The following CREB5 variants were observed in gnomAD, a reference collection of about 807,000 sequenced individuals.
The protein encoded by CREB5 is cyclic AMP-responsive element-binding protein 5.
Under a neutral mutation model 57.1 loss-of-function variants are expected in CREB5, and 19 were observed. The observed-to-expected ratio is 0.33, with a 90% confidence interval of 0.23 to 0.49. CREB5 has a LOEUF of 0.49. Among genes scored for constraint, CREB5 ranks in the 20% least tolerant of loss-of-function variants. CREB5 has a pLI of 0.99. For synonymous variants in CREB5, 238 were observed against 238.3 expected, an observed-to-expected ratio of 1.00 and a Z score of 0.01; for missense variants, 579 against 671.6, an observed-to-expected ratio of 0.86 and a Z score of 1.52.
rs1221986287 is a variant in CREB5, at chr7:28,821,107, T to G, written c.*1828T>G. On this transcript the variant is annotated 3_prime_UTR_variant, in exon 11 of 11. Coordinates refer to ENST00000357727, the MANE Select transcript of CREB5 (RefSeq NM_182898.4). Reference sequence around the variant, plus strand: ...GCAGGTGCTGGTGTTTCATCTCCATTTGAATGCTTGACCTCTTAATGTGTG... The same window carrying G: ...GCAGGTGCTGGTGTTTCATCTCCATGTGAATGCTTGACCTCTTAATGTGTG... The G allele has an allele frequency of 6.7e-6, 1 of 148,514 alleles. No homozygotes were observed. Among genetic ancestry groups the G allele is most frequent in the Non-Finnish European group, 1.5e-5 (1 of 67,410 alleles). The allele number at this position is 148,514 out of a possible 1,614,324, so 9.2% of individuals were successfully genotyped here.
At chr7:28,461,565 T>C (rs1167242355) in intron 1 of CREB5, among the ~76,000 whole-genome samples, 1 of 152,198 alleles carries the variant, frequency 6.6e-6, no homozygotes, top group Non-Finnish European at 1.5e-5. Flanking sequence ...GGTGTGTTTT[T>C]TGAGTAATGA....
intron 5 of CREB5, among the ~76,000 whole-genome samples, chr7:28,608,582 A>T (rs188938607): frequency 9.5e-4 from 144 of 152,090 alleles, no homozygotes; most frequent in Admixed American, 3.9e-3. Context: ...CCTCCTCCCA[A>T]TCTCCCTCCC....
At position 28,599,754 on chromosome 7, in the gene CREB5, G is replaced by GTTTTGTTTTGTTTTGT. The variant is rs3041154; in HGVS notation, c.464+29221_464+29222insGTTTTGTTTTGTTTTT. 4.2e-3 allele frequency among the ~76,000 whole-genome samples: 620 copies of GTTTTGTTTTGTTTTGT among 148,896 alleles called. 6 individuals are homozygous for GTTTTGTTTTGTTTTGT. The highest frequency in any genetic ancestry group is 0.014 in the African/African-American group (568 of 40,176). ...GTTTTGTTTTGTTTTGTTTTGTTTTGTTTTTTTATTGTATTAGTTAGAACC... is the reference window on the plus strand; with the variant it reads ...GTTTTGTTTTGTTTTGTTTTGTTTTGTTTTGTTTTGTTTTGTTTTTTTTATTGTATTAGTTAGAACC... On this transcript the variant is annotated intron_variant, in intron 5 of 10. Coordinates refer to ENST00000357727, the MANE Select transcript of CREB5 (RefSeq NM_182898.4).
chr7:28,376,824 C>T (rs1263547776), intron 1 of CREB5, among the ~76,000 whole-genome samples: 3 of 152,196 alleles, frequency 2.0e-5, no homozygotes, highest in Admixed American at 2.0e-4. Flanking sequence ...GAAGCTGGGG[C>T]AAATTGGCTC....
At chr7:28,547,313 C>G (rs2128631454) in intron 4 of CREB5, among the ~76,000 whole-genome samples, 1 of 152,268 alleles carries the variant, frequency 6.6e-6, no homozygotes, top group Non-Finnish European at 1.5e-5. Flanking sequence ...TAATTATTCA[C>G]CTTTCTATTT....
At chr7:28,350,570 A>T (rs967186669) in intron 1 of CREB5, among the ~76,000 whole-genome samples, 1 of 151,966 alleles carries the variant, frequency 6.6e-6, no homozygotes, top group South Asian at 2.1e-4. Flanking sequence ...GGAAAAAAAA[A>T]CAAGCAAACA....
intron 1 of CREB5, among the ~76,000 whole-genome samples, chr7:28,339,543 C>T (rs942363065): frequency 4.6e-5 from 7 of 152,132 alleles, no homozygotes; most frequent in Non-Finnish European, 1.0e-4. Context: ...GACATAAACA[C>T]CCCTGTGGCC....
intron 5 of CREB5, among the ~76,000 whole-genome samples, chr7:28,628,566 G>A (rs536371962): frequency 6.6e-6 from 1 of 152,152 alleles, no homozygotes; most frequent in Non-Finnish European, 1.5e-5. Context: ...GGTAGCCAGT[G>A]GCAGAAGAAA....
chr7:28,605,011 G>A (rs956452192), intron 5 of CREB5, among the ~76,000 whole-genome samples: 2 of 151,930 alleles, frequency 1.3e-5, no homozygotes, highest in Admixed American at 6.6e-5. Context: ...ATATAAGGGC[G>A]TAGGATACAG....
At chr7:28,723,832 G>A (rs1163938056) in intron 6 of CREB5, among the ~76,000 whole-genome samples, 1 of 152,084 alleles carries the variant, frequency 6.6e-6, no homozygotes, top group Non-Finnish European at 1.5e-5. Context: ...ATATTTAGTG[G>A]AGTTACTTGA....
intron 5 of CREB5, among the ~76,000 whole-genome samples, chr7:28,694,549 A>T (rs1801439759): frequency 6.6e-6 from 1 of 152,114 alleles, no homozygotes; most frequent in Non-Finnish European, 1.5e-5. Context: ...TCATCTTATA[A>T]TTCTTTTTTT....
intron 4 of CREB5, among the ~76,000 whole-genome samples, chr7:28,550,220 C>G (rs1794575183): frequency 6.6e-6 from 1 of 151,940 alleles, no homozygotes; most frequent in Non-Finnish European, 1.5e-5. Flanking sequence ...CCTCCTTCTC[C>G]TCCTTCTCTG....
rs949100454 is a variant in CREB5, at chr7:28,675,744, TC to T, written c.465-43007del. 3.2e-4 allele frequency among the ~76,000 whole-genome samples: 48 copies of T among 152,212 alleles called. 1 individual carries two copies. Among genetic ancestry groups the T allele is most frequent in the African/African-American group, 1.2e-3 (48 of 41,546 alleles). On this transcript the variant is annotated intron_variant, in intron 5 of 10. Transcript: ENST00000357727. Reference sequence around the variant, plus strand: ...CCCTTGCAAAGTGGTGCAGTGTGGATCCTGTTTCAGCTTGGGATAAGGTGCT... The same window carrying T: ...CCCTTGCAAAGTGGTGCAGTGTGGATCTGTTTCAGCTTGGGATAAGGTGCT...
At chr7:28,541,243 C>G (rs557929239) in intron 4 of CREB5, among the ~76,000 whole-genome samples, 52 of 152,300 alleles carry the variant, frequency 3.4e-4, no homozygotes, top group Admixed American at 1.2e-3. Context: ...GTTCTGCACT[C>G]TCACTGGTCT....
intron 5 of CREB5, among the ~76,000 whole-genome samples, chr7:28,654,796 C>A (rs896624498): frequency 6.6e-6 from 1 of 152,112 alleles, no homozygotes; most frequent in African/African-American, 2.4e-5. Context: ...TACACACACG[C>A]AGTAAAAGTC....
intron 4 of CREB5, among the ~76,000 whole-genome samples, chr7:28,547,961 G>A (rs747725384): frequency 3.9e-5 from 6 of 152,110 alleles, no homozygotes; most frequent in East Asian, 1.9e-4. Flanking sequence ...AGAAAACATC[G>A]AAGTAACTAT....
chr7:28,505,016 T>C lies in CREB5; in HGVS notation c.170-2600T>C, dbSNP rs531314663. 3.3e-5 allele frequency among the ~76,000 whole-genome samples: 5 copies of C among 152,344 alleles called. No homozygotes were observed. The South Asian group carries it at 6.2e-4, about 19-fold the overall frequency. On this transcript the variant is annotated intron_variant, in intron 3 of 10. Coordinates refer to ENST00000357727, the MANE Select transcript of CREB5 (RefSeq NM_182898.4). ...CTTGTGGATCGATCCAGCAGAGTGCTACAAACTTGGCCTTATGAATTAGGA... is the reference window on the plus strand; with the variant it reads ...CTTGTGGATCGATCCAGCAGAGTGCCACAAACTTGGCCTTATGAATTAGGA...
intron 5 of CREB5, among the ~76,000 whole-genome samples, chr7:28,583,098 C>T (rs1796178935): frequency 6.6e-6 from 1 of 152,134 alleles, no homozygotes; most frequent in Non-Finnish European, 1.5e-5. Flanking sequence ...TCCCCATTTC[C>T]CAGGTATGTC....
At chr7:28,450,247 T>C (rs540470771) in intron 1 of CREB5, among the ~76,000 whole-genome samples, 1 of 152,296 alleles carries the variant, frequency 6.6e-6, no homozygotes, top group Non-Finnish European at 1.5e-5. Flanking sequence ...TGAACCAAAA[T>C]AATAAAAAGC....
Sources: gnomAD v4.1 joint callset for allele counts (sites outside exome capture counted in the v4.1 genomes callset) on GRCh38, gnomAD v4.1.1 for gene constraint, MANE v1.5 for transcripts, NCBI Gene and HGNC (gene_info 2026-07-23, HGNC 2026-07-21) for gene names.